The following DGKB variants were observed in gnomAD, a reference collection of about 807,000 sequenced individuals.
The protein encoded by DGKB is 90 kDa diacylglycerol kinase.
A neutral mutation model predicts 114.3 loss-of-function variants in DGKB; 67 were observed. The ratio of observed to expected loss-of-function variants is 0.59; its 90% CI spans 0.48 to 0.72. DGKB has a LOEUF of 0.72. Ranked by LOEUF, DGKB falls within the 30% of genes least tolerant of loss-of-function variation. The pLI is 0.00. For missense variants in DGKB, 907 were observed against 975.2 expected (o/e 0.93, Z 0.93); for synonymous variants, 398 against 323.1 (o/e 1.23, Z -2.49).
At chr7:14,667,892 T>A (rs2128937826) in intron 13 of DGKB, among the ~76,000 whole-genome samples, 1 of 152,184 alleles carries the variant, frequency 6.6e-6, no homozygotes, top group South Asian at 2.1e-4. Context: ...TGATTTAAAT[T>A]GATTTATTAA....
intron 23 of DGKB, among the ~76,000 whole-genome samples, chr7:14,186,769 T>A (rs112457689): frequency 0.022 from 3,303 of 152,224 alleles, 98 homozygotes; most frequent in African/African-American, 0.068. Flanking sequence ...AACTCAGGAA[T>A]GGAAAACCAA....
At chr7:14,412,032 T>G (rs10950523) in intron 21 of DGKB, among the ~76,000 whole-genome samples, 142,075 of 152,198 alleles carry the variant, frequency 0.93, 66,428 homozygotes, top group Middle Eastern at 0.97. Context: ...TTTTGTTTAC[T>G]TGTGTGGTTA....
chr7:14,490,789 T>C (rs899165282), intron 20 of DGKB, among the ~76,000 whole-genome samples: 8 of 152,220 alleles, frequency 5.3e-5, no homozygotes, highest in Non-Finnish European at 1.0e-4. Flanking sequence ...AACATAAAAT[T>C]AGGGAGTCAG....
Position 14,194,432 on chromosome 7 carries a change from A to T in DGKB, c.2123-16281T>A, listed in dbSNP as rs558254156. Reference sequence around the variant, plus strand: ...ACCTGGAGGACACCGTGTTAACCGAAATAAGCCAGACACAGAATGATAAAT... The same window carrying T: ...ACCTGGAGGACACCGTGTTAACCGATATAAGCCAGACACAGAATGATAAAT... On this transcript the variant is annotated intron_variant, in intron 23 of 25. Transcript: ENST00000402815. Among the ~76,000 whole-genome samples, 63 of 152,278 alleles carry T rather than the reference A, an allele frequency of 4.1e-4. No homozygotes were observed. In the South Asian group the frequency reaches 0.012, roughly 29 times the overall value.
chr7:14,867,456 T>C (rs1587020434), intron 1 of DGKB, among the ~76,000 whole-genome samples: 1 of 152,092 alleles, frequency 6.6e-6, no homozygotes, highest in African/African-American at 2.4e-5. Flanking sequence ...AATGTGGATG[T>C]TCACTTGTTC....
intron 20 of DGKB, among the ~76,000 whole-genome samples, chr7:14,491,623 T>C (rs755124943): frequency 7.2e-5 from 11 of 152,106 alleles, no homozygotes; most frequent in Non-Finnish European, 8.8e-5. Flanking sequence ...AGAACACATA[T>C]TATTCAGAAA....
intron 20 of DGKB, among the ~76,000 whole-genome samples, chr7:14,489,541 T>C (rs1325203313): frequency 6.6e-6 from 1 of 152,208 alleles, no homozygotes; most frequent in African/African-American, 2.4e-5. Flanking sequence ...TGTTCAGTGA[T>C]TTGATATAAT....
intron 13 of DGKB, among the ~76,000 whole-genome samples, chr7:14,666,430 C>T (rs1818037157): frequency 6.6e-6 from 1 of 151,878 alleles, no homozygotes; most frequent in African/African-American, 2.4e-5. Flanking sequence ...CTCATTAGGC[C>T]ATATTCCATA....
intron 1 of DGKB, among the ~76,000 whole-genome samples, chr7:14,856,115 T>A (rs573047547): frequency 3.9e-5 from 6 of 151,978 alleles, no homozygotes; most frequent in Non-Finnish European, 5.9e-5. Flanking sequence ...GATCTAAAAG[T>A]CAGATATAAG....
chr7:14,185,648 T>C (rs570727399), intron 23 of DGKB, among the ~76,000 whole-genome samples: 1 of 152,292 alleles, frequency 6.6e-6, no homozygotes, highest in African/African-American at 2.4e-5. Context: ...CAAAACAGAA[T>C]GGTACTGGTA....
At chr7:14,599,339 T>C (rs772101788) in intron 17 of DGKB, among the ~76,000 whole-genome samples, 1 of 152,228 alleles carries the variant, frequency 6.6e-6, no homozygotes, top group Non-Finnish European at 1.5e-5. Context: ...CTCTGTGAAC[T>C]AGCCCTTAGT....
At chr7:14,404,023 T>C (rs1205927096) in intron 21 of DGKB, among the ~76,000 whole-genome samples, 1 of 151,806 alleles carries the variant, frequency 6.6e-6, no homozygotes. Flanking sequence ...TTGAGGAAAG[T>C]AGTCTTCAAA....
At chr7:14,733,387 A>G (rs1831196337) in intron 5 of DGKB, among the ~76,000 whole-genome samples, 2 of 152,196 alleles carry the variant, frequency 1.3e-5, no homozygotes, top group African/African-American at 4.8e-5. Context: ...AATAAGTTAC[A>G]TCATTAATAG....
chr7:14,553,746 A>C (rs1795443541), intron 20 of DGKB, among the ~76,000 whole-genome samples: 1 of 151,942 alleles, frequency 6.6e-6, no homozygotes, highest in Non-Finnish European at 1.5e-5. Context: ...TTAAATTTAC[A>C]TTAAGAAGTT....
At chr7:14,158,640 C>G (rs960533058) in intron 25 of DGKB, among the ~76,000 whole-genome samples, 62 of 152,086 alleles carry the variant, frequency 4.1e-4, no homozygotes, top group Non-Finnish European at 4.4e-4. Context: ...ATTTTGATAA[C>G]TTATCCACAA....
At chr7:14,591,281 C>T (rs1050118781) in intron 17 of DGKB, among the ~76,000 whole-genome samples, 4 of 152,122 alleles carry the variant, frequency 2.6e-5, no homozygotes, top group Non-Finnish European at 5.9e-5. Context: ...CTATCAGTTC[C>T]ACAGTGTTCC....
chr7:14,208,007 A>C (rs1055191256), intron 23 of DGKB, among the ~76,000 whole-genome samples: 1 of 152,048 alleles, frequency 6.6e-6, no homozygotes, highest in African/African-American at 2.4e-5. Context: ...CTACTCTATG[A>C]TATTCTCAGT....
chr7:14,453,593 GT>G (rs1196007566), intron 21 of DGKB, among the ~76,000 whole-genome samples: 1 of 152,060 alleles, frequency 6.6e-6, no homozygotes. Context: ...AGAACATGAA[GT>G]TTTTACTCCT....
intron 1 of DGKB, among the ~76,000 whole-genome samples, chr7:14,941,767 A>T (rs1785583622): frequency 6.6e-6 from 1 of 152,084 alleles, no homozygotes; most frequent in Non-Finnish European, 1.5e-5. Context: ...TTCAGGTTTG[A>T]ATATAATGGA....
Sources: allele counts gnomAD v4.1 joint callset (sites outside exome capture counted in the v4.1 genomes callset), GRCh38; gene constraint gnomAD v4.1.1; transcripts MANE v1.5; gene names NCBI Gene and HGNC (gene_info 2026-07-23, HGNC 2026-07-21).